The following PIEZO1 variants were observed in gnomAD, a reference collection of about 807,000 sequenced individuals.
PIEZO1 encodes piezo-type mechanosensitive ion channel component 1.
A neutral mutation model predicts 297.2 loss-of-function variants in PIEZO1; 296 were observed. The ratio of observed to expected loss-of-function variants is 1.00; its 90% CI spans 0.91 to 1.10. PIEZO1 has a LOEUF of 1.10. PIEZO1 is among the 50% of genes least tolerant of loss of function. The pLI, the probability that PIEZO1 is intolerant of heterozygous loss-of-function variation, is 0.00. For synonymous variants in PIEZO1, 2,427 were observed against 1,507.5 expected (o/e 1.61, Z -14.13); for missense variants, 5,018 against 3,455.5 (o/e 1.45, Z -11.34).
intron 10 of PIEZO1, chr16:88,737,097 G>T: frequency 4.2e-6 from 1 of 240,142 alleles, no homozygotes; most frequent in Non-Finnish European, 8.1e-6. Context: ...TCAAGGGTTA[G>T]GGTAAAGAAA....
At chr16:88,717,350 G>C (rs1479135753) in intron 44 of PIEZO1, 139 bp from the exon 45 acceptor site, 1 of 715,636 alleles carries the variant, frequency 1.4e-6, no homozygotes, top group East Asian at 2.7e-5. Flanking sequence ...ATGGTGGGCA[G>C]ACACAGGCCA....
rs1313695040 is a variant in PIEZO1, at chr16:88,738,351, T to A, written c.724A>T (p.Thr242Ser). The A allele has an allele frequency of 6.5e-7, 1 of 1,535,360 alleles. No homozygotes were observed. The highest frequency in any genetic ancestry group is 8.7e-7 in the Non-Finnish European group (1 of 1,146,784). The part of the protein sequence containing the change: ...TWWACHFPIS[T>S]RGFSRLCVAV... ...ACGCAGAGTCTGCTGAAGCCCCGAG[T>A]GCTGATGGGAAAGTGGCAGGCCCAC... The change falls in exon 7 of 51, where the codon ACT (threonine) becomes TCT (serine). Residue 242 changes from threonine (T) to serine (S), a missense_variant. Physicochemically the swap from Thr to Ser is moderately conservative, Grantham distance 58. Transcript: ENST00000301015.
intron 44 of PIEZO1, chr16:88,717,916 G>T: frequency 2.6e-6 from 1 of 389,598 alleles, no homozygotes; most frequent in South Asian, 1.9e-5. Context: ...AGACGAACCT[G>T]GCCAAAAATA....
intron 5 of PIEZO1, 61 bp downstream of exon 5, chr16:88,741,417 T>A (rs1905647324): frequency 7.2e-7 from 1 of 1,386,176 alleles, no homozygotes; most frequent in East Asian, 2.5e-5. Flanking sequence ...ACCCTCAAAA[T>A]GGCTGAGACC....
intron 22 of PIEZO1, 101 bp downstream of exon 22, chr16:88,731,605 G>C: frequency 2.3e-6 from 2 of 880,598 alleles, no homozygotes; most frequent in Non-Finnish European, 3.6e-6. Context: ...CCAAGGCTAA[G>C]TCTAGGAGGG....
chr16:88,749,594 G>T (rs1906279633), intron 1 of PIEZO1, 115 bp from the exon 2 acceptor site: 1 of 768,112 alleles, frequency 1.3e-6, no homozygotes, highest in South Asian at 1.8e-5. Context: ...TGCCCTGTGA[G>T]TGCTGCCCTG....
At position 88,758,470 on chromosome 16, in the gene PIEZO1, G is replaced by A. The variant is rs570437603; in HGVS notation, c.65-8991C>T. On this transcript the variant is annotated intron_variant, in intron 1 of 50. Transcript: ENST00000301015. The stretch of plus-strand genomic sequence containing the variant: ...TCCTGCTGTGATGCCAGTCATACCC[G>A]TGGCTCATAGCAGCTCATGCGTAAC... Among the ~76,000 whole-genome samples, 151 of 152,264 alleles carry A rather than the reference G, an allele frequency of 9.9e-4. 1 individual carries two copies. Among genetic ancestry groups the A allele is most frequent in the African/African-American group, 3.4e-3 (140 of 41,550 alleles).
chr16:88,747,949 C>T (rs1906150670), intron 2 of PIEZO1, among the ~76,000 whole-genome samples: 1 of 152,182 alleles, frequency 6.6e-6, no homozygotes, highest in South Asian at 2.1e-4. Context: ...GCAGATCCTC[C>T]CCAGAGTCCC....
intron 5 of PIEZO1, 123 bp downstream of exon 5, chr16:88,741,355 A>G: frequency 3.2e-6 from 3 of 935,796 alleles, no homozygotes; most frequent in Non-Finnish European, 4.6e-6. Flanking sequence ...TCCTCTCTTT[A>G]ACACCAACTT....
rs577457037 is a variant in PIEZO1, at chr16:88,780,402, G to A, written c.64+4499C>T. On this transcript the variant is annotated intron_variant, in intron 1 of 50. Coordinates refer to ENST00000301015, the MANE Select transcript of PIEZO1 (RefSeq NM_001142864.4). ...GATGTGGGTGGGGGTAGGGGAAGGGGGGGTCCCACCTCACAGTCACCCAGG... is the reference window on the plus strand; with the variant it reads ...GATGTGGGTGGGGGTAGGGGAAGGGAGGGTCCCACCTCACAGTCACCCAGG... Among the ~76,000 whole-genome samples, 562 of 152,306 alleles carry A rather than the reference G, an allele frequency of 3.7e-3. 5 individuals carry two copies. Among genetic ancestry groups the A allele is most frequent in the South Asian group, 0.027 (129 of 4,826 alleles).
At chr16:88,727,438 C>CA (rs1904532502) in intron 23 of PIEZO1, 119 bp downstream of exon 23, 2 of 641,630 alleles carry the variant, frequency 3.1e-6, no homozygotes, top group Non-Finnish European at 5.4e-6. Context: ...TGCAGGCCGC[C>CA]ATGTGCCTGA....
At chr16:88,776,413 G>A (rs892580507) in intron 1 of PIEZO1, among the ~76,000 whole-genome samples, 2 of 151,674 alleles carry the variant, frequency 1.3e-5, no homozygotes, top group Non-Finnish European at 2.9e-5. Flanking sequence ...CAGCCAGGGC[G>A]ACAGAGCGAG....
In PIEZO1 at chr16:88,737,919, G is replaced by A; in HGVS notation, c.1020+15C>T. On this transcript the variant is annotated intron_variant, in intron 8 of 50. Coordinates refer to ENST00000301015, the MANE Select transcript of PIEZO1 (RefSeq NM_001142864.4). ...CCTGGCCTCAGCCCACCCACCATGG[G>A]TGGCAGGTGCTCACCTGGCCGGAGG... 6.5e-7 allele frequency: 1 copy of A among 1,530,218 alleles called. No homozygotes were observed. Among genetic ancestry groups the A allele is most frequent in the African/African-American group, 1.4e-5 (1 of 73,052 alleles). 94.8% of individuals were successfully genotyped at this position (1,530,218 alleles called of 1,614,324 possible).
chr16:88,780,330 G>C (rs955654223), intron 1 of PIEZO1, among the ~76,000 whole-genome samples: 8 of 152,200 alleles, frequency 5.3e-5, no homozygotes, highest in African/African-American at 1.9e-4. Flanking sequence ...CCTGAAGCCA[G>C]CAGAGGAGCT....
chr16:88,766,282 T>C (rs1163457102), intron 1 of PIEZO1, among the ~76,000 whole-genome samples: 2 of 151,592 alleles, frequency 1.3e-5, no homozygotes, highest in African/African-American at 4.8e-5. Context: ...GGAGGAGGAA[T>C]TCCCAGGACC....
chr16:88,721,430 A>G lies in PIEZO1; in HGVS notation c.5404T>C (p.Cys1802Arg). ...ALFFHRSQLL[C>R]YGLWDHEEDS... Reference sequence around the variant, plus strand: ...TCCTCATGGTCCCAGAGGCCATAGCACTGAGGGGCGGGAGGGTGTGGTGAG... The same window carrying G: ...TCCTCATGGTCCCAGAGGCCATAGCGCTGAGGGGCGGGAGGGTGTGGTGAG... The change falls in exon 39 of 51, where the codon TGC (cysteine) becomes CGC (arginine). Residue 1802 changes from cysteine (C) to arginine (R), a missense_variant and splice_region_variant. Transcript: ENST00000301015. 1.3e-6 allele frequency: 2 copies of G among 1,545,888 alleles called. No homozygotes were observed. Among genetic ancestry groups the G allele is most frequent in the Non-Finnish European group, 1.7e-6 (2 of 1,143,834 alleles).
In PIEZO1 at chr16:88,727,200, A is replaced by G. The variant is rs1277297904; in HGVS notation, c.3302-8T>C. 2.6e-6 allele frequency: 4 copies of G among 1,529,684 alleles called. No individual in the cohort carries two copies. The highest frequency in any genetic ancestry group is 3.5e-6 in the Non-Finnish European group (4 of 1,135,556). The allele number at this position is 1,529,684 out of a possible 1,614,324, so 94.8% of individuals were successfully genotyped here. A position where few individuals can be genotyped will look rare whatever the true frequency, so the allele number is the denominator to read the frequency against. ...GCAGCAGGAGAAAGTCGCCTGCAGG[A>G]CACAGGAGCCGCCGCTGTGCCACAC... On this transcript the variant is annotated splice_polypyrimidine_tract_variant and splice_region_variant and intron_variant, in intron 23 of 50. Transcript: ENST00000301015.
chr16:88,731,770 G>C lies in PIEZO1; in HGVS notation c.3132C>G (p.Phe1044Leu), dbSNP rs1365772893. ...ACTGGTACAGCAGGAACAGCGCCAG[G>C]AAGAGGCAGTAGTTGGGCCAGAGGC... ...IARLWPNYCL[F>L]LALFLLYQYL... Residue 1044 changes from phenylalanine (F) to leucine (L), a missense_variant, in exon 22 of 51, where the codon TTC becomes TTG. By Grantham distance (22) the Phe-to-Leu change is conservative. Coordinates refer to ENST00000301015, the MANE Select transcript of PIEZO1 (RefSeq NM_001142864.4). 1.3e-6 allele frequency: 2 copies of C among 1,549,616 alleles called. No individual in the cohort carries two copies. Among genetic ancestry groups the C allele is most frequent in the Non-Finnish European group, 1.7e-6 (2 of 1,146,816 alleles).
At position 88,721,788 on chromosome 16, in the gene PIEZO1, C is replaced by G; in HGVS notation, c.5214+20G>C. ...CGGCGCGGTGGGCCGGGCGCCCCCT[C>G]CCCCGCGGCCTCGGCCCACCTCGGT... On this transcript the variant is annotated intron_variant, in intron 37 of 50. Coordinates refer to ENST00000301015, the MANE Select transcript of PIEZO1 (RefSeq NM_001142864.4). The G allele has an allele frequency of 6.5e-7, 1 of 1,535,356 alleles. No individual in the cohort carries two copies. The highest frequency in any genetic ancestry group is 8.8e-7 in the Non-Finnish European group (1 of 1,140,958).
Sources: allele counts gnomAD v4.1 joint callset (sites outside exome capture counted in the v4.1 genomes callset), GRCh38; gene constraint gnomAD v4.1.1; transcripts MANE v1.5; gene names NCBI Gene and HGNC (gene_info 2026-07-23, HGNC 2026-07-21).